The following DYNC1H1 variants were observed in gnomAD, a reference collection of about 807,000 sequenced individuals.
DYNC1H1 encodes the protein dynein cytoplasmic 1 heavy chain 1.
Under a neutral mutation model 527.1 loss-of-function variants are expected in DYNC1H1, and 51 were observed. The observed-to-expected ratio is 0.10, with a 90% CI of 0.08 to 0.12. DYNC1H1 has a LOEUF of 0.12. Among genes scored for constraint, DYNC1H1 ranks in the 10% least tolerant of loss-of-function variants. The probability of loss-of-function intolerance (pLI) is 1.00; values close to 1 mark genes in which losing one functional copy is unlikely to be tolerated. For missense variants in DYNC1H1, 2,771 were observed against 5,971.8 expected, an observed-to-expected ratio of 0.46 and a Z score of 17.66; for synonymous variants, 2,189 against 2,278.8, an observed-to-expected ratio of 0.96 and a Z score of 1.12.
In DYNC1H1 at chr14:102,039,610, A is replaced by T. The variant is rs1175427653; in HGVS notation, c.11596-28A>T. ...AGCAGGGTGCTGCTTCTCTTATGGA[A>T]CAACATCGTCTCCTGCTCTTGTCCC... On this transcript the variant is annotated intron_variant, in intron 61 of 77. Coordinates refer to ENST00000360184, the MANE Select transcript of DYNC1H1 (RefSeq NM_001376.5). The surrounding 1 kb of genome is among the most constrained non-coding windows in gnomAD (Gnocchi z 7.0). 6.2e-7 allele frequency: 1 copy of T among 1,614,026 alleles called. No homozygotes were observed. The highest frequency in any genetic ancestry group is 1.3e-5 in the African/African-American group (1 of 74,928).
intron 23 of DYNC1H1, 56 bp downstream of exon 23, chr14:102,003,021 T>C: frequency 6.2e-7 from 1 of 1,609,760 alleles, no homozygotes; most frequent in Non-Finnish European, 8.5e-7. Flanking sequence ...GTTGTGCATT[T>C]TTCCAGTGAT....
chr14:101,974,519 G>A (rs1056273170), intron 1 of DYNC1H1, among the ~76,000 whole-genome samples: 1 of 152,190 alleles, frequency 6.6e-6, no homozygotes, highest in African/African-American at 2.4e-5. Flanking sequence ...TTATTGCAAA[G>A]ATAATTTGAC....
At chr14:102,006,813 T>G (rs1324830318) in intron 27 of DYNC1H1, among the ~76,000 whole-genome samples, 195 bp from the exon 28 acceptor site, 3 of 152,044 alleles carry the variant, frequency 2.0e-5, no homozygotes, top group Non-Finnish European at 4.4e-5. Flanking sequence ...TTAGCCAGGC[T>G]GGTCTCGAAC....
Position 102,038,369 on chromosome 14 carries a change from T to A in DYNC1H1, c.10909-91T>A. On this transcript the variant is annotated intron_variant, in intron 57 of 77. Transcript: ENST00000360184. The surrounding 1 kb of genome is among the most constrained non-coding windows in gnomAD (Gnocchi z 7.2). Reference sequence around the variant, plus strand: ...GTGGCGGGTGGCTTTTGGGAAGGTATGCTTATCCAGAGTAGGACAGCAACA... The same window carrying A: ...GTGGCGGGTGGCTTTTGGGAAGGTAAGCTTATCCAGAGTAGGACAGCAACA... The A allele has an allele frequency of 6.4e-7, 1 of 1,552,738 alleles. No individual in the cohort carries two copies. Among genetic ancestry groups the A allele is most frequent in the African/African-American group, 1.4e-5 (1 of 73,416 alleles).
At position 101,980,555 on chromosome 14, in the gene DYNC1H1, C is replaced by G. The variant is rs1157067765; in HGVS notation, c.961+5C>G. ...TCAGTTTTGACACTGACACAGGTAA[C>G]AACTAGAACTAATAATCTGATCAGT... is the stretch of plus-strand genomic sequence containing the variant. On this transcript the variant is annotated splice_donor_5th_base_variant and intron_variant, in intron 5 of 77. Transcript: ENST00000360184. 3 of 1,613,764 alleles carry G rather than the reference C, an allele frequency of 1.9e-6. No individual in the cohort carries two copies. The highest frequency in any genetic ancestry group is 2.2e-5 in the South Asian group (2 of 91,044).
chr14:102,016,849 TGTC>T lies in DYNC1H1; in HGVS notation c.7704_7706del (p.Val2569del). The T allele has an allele frequency of 6.2e-7, 1 of 1,614,140 alleles. No homozygotes were observed. The highest frequency in any genetic ancestry group is 1.3e-5 in the African/African-American group (1 of 75,074). ...AGACGCACAAGGTGGCAGCCCCTGA[TGTC>T]GTCGTGCCAACGCTGGACACAGTCC... On this transcript the variant is annotated inframe_deletion, in exon 38 of 78. Coordinates refer to ENST00000360184, the MANE Select transcript of DYNC1H1 (RefSeq NM_001376.5). The surrounding 1 kb of genome is among the most constrained non-coding windows in gnomAD (Gnocchi z 7.3).
rs754305177 is a variant in DYNC1H1, at chr14:102,029,790, C to T, written c.9643-29C>T. ...TTCCATATAATTTCTGCATGTTTCT[C>T]GTCTCTGAGTGTGGGCTTTGCTCTT... On this transcript the variant is annotated intron_variant, in intron 49 of 77. Transcript: ENST00000360184. This position sits in a 1 kb window ranked among gnomAD's most constrained non-coding sequence, Gnocchi z 5.3. The T allele has an allele frequency of 1.4e-5, 23 of 1,614,044 alleles. No homozygotes were observed. Among genetic ancestry groups the T allele is most frequent in the East Asian group, 2.2e-5 (1 of 44,892 alleles).
In DYNC1H1 at chr14:102,036,100, A is replaced by G. The variant is rs569880392; in HGVS notation, c.10755-389A>G. Reference sequence around the variant, plus strand: ...TTTGACACGGTCCTTGGCAATTAAAATTCTGTATAATGTTAATCCCTTGCT... The same window carrying G: ...TTTGACACGGTCCTTGGCAATTAAAGTTCTGTATAATGTTAATCCCTTGCT... On this transcript the variant is annotated intron_variant, in intron 56 of 77. Coordinates refer to ENST00000360184, the MANE Select transcript of DYNC1H1 (RefSeq NM_001376.5). This position sits in a 1 kb window ranked among gnomAD's most constrained non-coding sequence, Gnocchi z 5.6. 2 of 262,204 alleles carry G rather than the reference A, an allele frequency of 7.6e-6. No homozygotes were observed. The highest frequency in any genetic ancestry group is 1.5e-5 in the Non-Finnish European group (2 of 132,060). 16.2% of individuals were successfully genotyped at this position (262,204 alleles called of 1,614,324 possible). A position where few individuals can be genotyped will look rare whatever the true frequency, so the allele number is the denominator to read the frequency against.
At chr14:101,996,576 T>A (rs2048065567) in intron 15 of DYNC1H1, among the ~76,000 whole-genome samples, 1 of 152,174 alleles carries the variant, frequency 6.6e-6, no homozygotes, top group African/African-American at 2.4e-5. Context: ...CTGGCCACGA[T>A]GTCTTAGGAT....
In DYNC1H1 at chr14:102,050,996, AG is replaced by A. The variant is rs34891999; in HGVS notation, c.*435del. On this transcript the variant is annotated 3_prime_UTR_variant, in exon 78 of 78. Transcript: ENST00000360184. The stretch of plus-strand genomic sequence containing the variant: ...CAGATGCAGCCAGCTGTGGCTCTGA[AG>A]GCCCTGGGGCCCGGGCACCATGGTT... 44 of 286,908 alleles carry A rather than the reference AG, an allele frequency of 1.5e-4. 2 individuals carry two copies. Among genetic ancestry groups the A allele is most frequent in the African/African-American group, 9.4e-4 (43 of 45,520 alleles). 17.8% of individuals were successfully genotyped at this position (286,908 alleles called of 1,614,324 possible). A position where few individuals can be genotyped will look rare whatever the true frequency, so the allele number is the denominator to read the frequency against.
chr14:102,050,236 AC>A lies in DYNC1H1; in HGVS notation c.13812+42del, dbSNP rs571085970. The A allele has an allele frequency of 2.1e-4, 332 of 1,613,340 alleles. 4 individuals carry two copies. The East Asian group carries it at 7.3e-3, about 35-fold the overall frequency. On this transcript the variant is annotated intron_variant, in intron 77 of 77. Transcript: ENST00000360184. ...TGCCTTTCCCAGGCATTCTGCAGGG[AC>A]CCCTGCGGTAACAAGGGCAGAGGCG...
At chr14:101,988,322 C>A (rs905379541) in intron 9 of DYNC1H1, among the ~76,000 whole-genome samples, 3 of 152,204 alleles carry the variant, frequency 2.0e-5, no homozygotes, top group Non-Finnish European at 4.4e-5. Flanking sequence ...CTGCCCCCAC[C>A]CGTATCCCCG....
chr14:102,025,210 G>A (rs544253678), intron 43 of DYNC1H1, among the ~76,000 whole-genome samples: 2 of 151,950 alleles, frequency 1.3e-5, no homozygotes, highest in South Asian at 2.1e-4. Flanking sequence ...TTCAAGACCA[G>A]CCTTACCAAC....
intron 56 of DYNC1H1, chr14:102,034,925 CA>C (rs33940099): frequency 0.31 from 54,002 of 174,390 alleles, 8,788 homozygotes; most frequent in African/African-American, 0.61. Context: ...GAATCCATCT[CA>C]AAAAAAAAAA....
chr14:102,028,391 T>C, intron 48 of DYNC1H1: 1 of 424,970 alleles, frequency 2.4e-6, no homozygotes, highest in Non-Finnish European at 4.4e-6. Context: ...GGTGGGCACC[T>C]ATAGTCCCAG....
Position 102,019,889 on chromosome 14 carries a change from A to G in DYNC1H1, c.8344-4A>G, listed in dbSNP as rs200913985. 3.7e-5 allele frequency: 60 copies of G among 1,613,642 alleles called. No homozygotes were observed. Among genetic ancestry groups the G allele is most frequent in the Non-Finnish European group, 4.3e-5 (51 of 1,179,964 alleles). ...TGTACCTTCCATTTTTCTCATTGCC[A>G]TAGGAGAGATTCACCCAGGATACAC... On this transcript the variant is annotated splice_region_variant and splice_polypyrimidine_tract_variant and intron_variant, in intron 41 of 77. Transcript: ENST00000360184.
intron 74 of DYNC1H1, 146 bp downstream of exon 74, chr14:102,048,815 T>C (rs1482756225): frequency 3.4e-5 from 2 of 59,412 alleles, no homozygotes; most frequent in African/African-American, 1.3e-4. Flanking sequence ...ACCCTCAAGG[T>C]GGGCGGGGGG....
rs780854206 is a variant in DYNC1H1 at position 101,964,709 on chromosome 14, C to T, written c.18C>T (p.Gly6=). 1 of 1,594,648 alleles carries T rather than the reference C, an allele frequency of 6.3e-7. No individual in the cohort carries two copies. The highest frequency in any genetic ancestry group is 1.1e-5 in the South Asian group (1 of 89,792). The part of the protein sequence containing the change: MSEPG[G]GGGEDGSAGL... ...GCGACACCATGTCGGAGCCCGGGGG[C>T]GGCGGCGGCGAGGACGGCTCGGCCG... Residue 6 remains glycine (G), a synonymous_variant, in exon 1 of 78, where the codon GGC becomes GGT. Coordinates refer to ENST00000360184, the MANE Select transcript of DYNC1H1 (RefSeq NM_001376.5). The surrounding 1 kb of genome is among the most constrained non-coding windows in gnomAD (Gnocchi z 5.5).
intron 18 of DYNC1H1, 118 bp from the exon 19 acceptor site, chr14:102,000,836 G>T (rs1166420542): frequency 2.2e-6 from 2 of 906,346 alleles, no homozygotes; most frequent in African/African-American, 1.6e-5. Context: ...GCCTCCCAAA[G>T]TGCTGGGATT....
Sources: gnomAD v4.1 joint callset for allele counts (sites outside exome capture counted in the v4.1 genomes callset) on GRCh38, gnomAD v4.1.1 for gene constraint, Gnocchi (gnomAD v3.1) non-coding constraint, MANE v1.5 for transcripts, NCBI Gene and HGNC (gene_info 2026-07-23, HGNC 2026-07-21) for gene names.